Variants in EHMT1 observed in about 807,000 individuals in gnomAD.
The protein encoded by EHMT1 is euchromatic histone lysine methyltransferase 1.
In EHMT1, 15 loss-of-function variants were observed where a neutral mutation model predicts 147.2. That is an observed-to-expected ratio of 0.10 (90% confidence interval 0.07 to 0.16). EHMT1 has a LOEUF of 0.16. EHMT1 is among the 10% of genes least tolerant of loss of function. The pLI is 1.00. For missense variants in EHMT1, 1,587 were observed against 1,772.4 expected (o/e 0.90, Z 1.88); for synonymous variants, 795 against 709.6 (o/e 1.12, Z -1.91).
intron 4 of EHMT1, among the ~76,000 whole-genome samples, chr9:137,729,130 A>C (rs984044240): frequency 6.6e-6 from 1 of 151,988 alleles, no homozygotes; most frequent in Admixed American, 6.5e-5. Flanking sequence ...CTGGGATGGG[A>C]TGTGTGCGTT....
intron 10 of EHMT1, among the ~76,000 whole-genome samples, chr9:137,769,908 C>A (rs946163941): frequency 6.6e-6 from 1 of 152,134 alleles, no homozygotes; most frequent in Non-Finnish European, 1.5e-5. Flanking sequence ...ATGAACACGA[C>A]ACAGTGCAGC....
Position 137,813,542 on chromosome 9 carries a change from CAGA to C in EHMT1, c.3180+13_3180+15del, listed in dbSNP as rs1564811224. On this transcript the variant is annotated intron_variant, in intron 21 of 26. Coordinates refer to ENST00000460843, the MANE Select transcript of EHMT1 (RefSeq NM_024757.5). This position sits in a 1 kb window ranked among gnomAD's most constrained non-coding sequence, Gnocchi z 4.9. ...TCACTCATCTGCAGGTGAGTGACGG[CAGA>C]TGAAGGGCTGACTCAGGCCAGGACA... The C allele has an allele frequency of 5.0e-6, 8 of 1,613,516 alleles. No individual in the cohort carries two copies. In the South Asian group the frequency reaches 8.8e-5, roughly 18 times the overall value.
chr9:137,748,410 T>G (rs1281192818), intron 6 of EHMT1, among the ~76,000 whole-genome samples: 1 of 152,240 alleles, frequency 6.6e-6, no homozygotes, highest in Admixed American at 6.5e-5. Context: ...TCCGTCCCAC[T>G]GTGGATGGCC....
In EHMT1 at chr9:137,813,404, C is replaced by T. The variant is rs533532226; in HGVS notation, c.3054C>T (p.Tyr1018=). The part of the protein sequence containing the change: ...RIVSRDIARG[Y]ERIPIPCVNA... The stretch of plus-strand genomic sequence containing the variant: ...ATGGCAGGGACATCGCTCGAGGCTA[C>T]GAGCGCATCCCCATCCCCTGTGTCA... Residue 1018 remains tyrosine, a synonymous_variant, in exon 21 of 27, where the codon TAC becomes TAT. Coordinates refer to ENST00000460843, the MANE Select transcript of EHMT1 (RefSeq NM_024757.5). This position sits in a 1 kb window ranked among gnomAD's most constrained non-coding sequence, Gnocchi z 4.9. The T allele has an allele frequency of 1.2e-5, 19 of 1,612,536 alleles. No homozygotes were observed. Among genetic ancestry groups the T allele is most frequent in the East Asian group, 2.2e-5 (1 of 44,838 alleles).
chr9:137,809,906 G>GC (rs1476163675), intron 18 of EHMT1, among the ~76,000 whole-genome samples: 20 of 139,344 alleles, frequency 1.4e-4, no homozygotes, highest in African/African-American at 5.9e-4. Flanking sequence ...TTCCGATGCC[G>GC]CCCTGTGTGG....
At chr9:137,652,318 C>T (rs1251136997) in intron 1 of EHMT1, among the ~76,000 whole-genome samples, 1 of 152,098 alleles carries the variant, frequency 6.6e-6, no homozygotes, top group Non-Finnish European at 1.5e-5. Flanking sequence ...AGGCTGAAGT[C>T]ATCCTCCTGC....
In EHMT1 at chr9:137,639,602, T is replaced by C. The variant is rs185001571; in HGVS notation, c.21+20553T>C. On this transcript the variant is annotated intron_variant, in intron 1 of 26. Transcript: ENST00000460843. Reference sequence around the variant, plus strand: ...TAAATGTTTTTGTTTTAAAGTCTATTTTGTCTGATGTCAGTATAGCCACTT... The same window carrying C: ...TAAATGTTTTTGTTTTAAAGTCTATCTTGTCTGATGTCAGTATAGCCACTT... Among the ~76,000 whole-genome samples the C allele has an allele frequency of 8.0e-4, 122 of 152,326 alleles. 1 individual carries two copies. The highest frequency in any genetic ancestry group is 2.3e-3 in the African/African-American group (95 of 41,572).
At chr9:137,804,076 A>G (rs902506849) in intron 18 of EHMT1, among the ~76,000 whole-genome samples, 3 of 152,112 alleles carry the variant, frequency 2.0e-5, no homozygotes, top group African/African-American at 7.2e-5. Context: ...GTGGCAGGAG[A>G]GATTGAGGAG....
chr9:137,629,319 T>G (rs779960277), intron 1 of EHMT1, among the ~76,000 whole-genome samples: 10 of 151,578 alleles, frequency 6.6e-5, no homozygotes, highest in Non-Finnish European at 1.0e-4. Flanking sequence ...CTCAAACTCG[T>G]GACCTCAGGT....
chr9:137,704,333 G>C (rs899849802), intron 1 of EHMT1, among the ~76,000 whole-genome samples: 1 of 152,172 alleles, frequency 6.6e-6, no homozygotes, highest in Non-Finnish European at 1.5e-5. Context: ...CTCGGGACTT[G>C]GAGGGAAGGA....
At chr9:137,811,029 G>A (rs1954435713) in intron 18 of EHMT1, among the ~76,000 whole-genome samples, 2 of 151,966 alleles carry the variant, frequency 1.3e-5, no homozygotes, top group Non-Finnish European at 2.9e-5. Context: ...AAATTTGCAC[G>A]TCCTTTTTTC....
At chr9:137,655,577 C>A (rs975849170) in intron 1 of EHMT1, among the ~76,000 whole-genome samples, 1 of 152,164 alleles carries the variant, frequency 6.6e-6, no homozygotes, top group Non-Finnish European at 1.5e-5. Context: ...ATGCAGGGGT[C>A]CCCAAACTCC....
At chr9:137,761,304 G>A (rs1949793075) in intron 9 of EHMT1, among the ~76,000 whole-genome samples, 1 of 152,200 alleles carries the variant, frequency 6.6e-6, no homozygotes, top group African/African-American at 2.4e-5. Flanking sequence ...ATAGGCATTT[G>A]CCAAAAGTAG....
At chr9:137,649,287 C>G (rs564177264) in intron 1 of EHMT1, among the ~76,000 whole-genome samples, 1 of 152,246 alleles carries the variant, frequency 6.6e-6, no homozygotes, top group South Asian at 2.1e-4. Flanking sequence ...TGGGGAAACC[C>G]TGTCTTTACT....
At chr9:137,803,750 C>G (rs1953694749) in intron 18 of EHMT1, among the ~76,000 whole-genome samples, 1 of 151,428 alleles carries the variant, frequency 6.6e-6, no homozygotes, top group African/African-American at 2.4e-5. Context: ...ACTCGGGAGG[C>G]TAAGGTGGGA....
At chr9:137,628,104 T>A (rs1843384859) in intron 1 of EHMT1, among the ~76,000 whole-genome samples, 1 of 152,204 alleles carries the variant, frequency 6.6e-6, no homozygotes. Flanking sequence ...AGAGGTCAGC[T>A]GTTCTCAGGT....
At chr9:137,734,818 C>G (rs564579540) in intron 4 of EHMT1, among the ~76,000 whole-genome samples, 1 of 152,250 alleles carries the variant, frequency 6.6e-6, no homozygotes, top group Non-Finnish European at 1.5e-5. Context: ...ATAAAAAAAT[C>G]TTTCAACCAA....
Position 137,743,279 on chromosome 9 carries a change from A to G in EHMT1, c.824-92A>G, listed in dbSNP as rs1304056173. On this transcript the variant is annotated intron_variant, in intron 4 of 26. Coordinates refer to ENST00000460843, the MANE Select transcript of EHMT1 (RefSeq NM_024757.5). ...GGTTTGCTGGTGATTTTGGTGATCAAGTTTTGTAAACTGTCTCTTACCTTT... is the reference window on the plus strand; with the variant it reads ...GGTTTGCTGGTGATTTTGGTGATCAGGTTTTGTAAACTGTCTCTTACCTTT... 1.3e-5 allele frequency: 20 copies of G among 1,495,180 alleles called. No individual in the cohort carries two copies. In the Admixed American group the frequency reaches 4.1e-4, roughly 31 times the overall value. The allele number at this position is 1,495,180 out of a possible 1,614,324, so 92.6% of individuals were successfully genotyped here.
chr9:137,738,629 G>A (rs975104128), intron 4 of EHMT1: 2 of 152,096 alleles, frequency 1.3e-5, no homozygotes, highest in African/African-American at 2.4e-5. Context: ...CAGCCAAAAG[G>A]GGGAAGCCAC....
Sources: gnomAD v4.1 joint callset for allele counts (sites outside exome capture counted in the v4.1 genomes callset) on GRCh38, gnomAD v4.1.1 for gene constraint, Gnocchi (gnomAD v3.1) non-coding constraint, MANE v1.5 for transcripts, NCBI Gene and HGNC (gene_info 2026-07-23, HGNC 2026-07-21) for gene names.